Variants in SNX13 observed in about 807,000 individuals in gnomAD.
The protein encoded by SNX13 is sorting nexin 13.
A neutral mutation model predicts 133.6 loss-of-function variants in SNX13; 45 were observed. The ratio of observed to expected loss-of-function variants is 0.34; its 90% CI spans 0.27 to 0.43. The LOEUF (loss-of-function observed/expected upper bound fraction) is 0.43. SNX13 is among the 20% of genes least tolerant of loss of function. The probability of loss-of-function intolerance (pLI) is 1.00; values close to 1 mark genes in which losing one functional copy is unlikely to be tolerated. For synonymous variants in SNX13, 414 were observed against 373.9 expected (o/e 1.11, Z -1.24); for missense variants, 1,032 against 1,145.1 (o/e 0.90, Z 1.43).
chr7:17,832,597 G>T, intron 15 of SNX13: 2 of 479,492 alleles, frequency 4.2e-6, no homozygotes, highest in Non-Finnish European at 5.4e-6. Flanking sequence ...AAATTTCATA[G>T]CATCTCTATA....
chr7:17,864,833 G>A (rs1226616274), intron 9 of SNX13, among the ~76,000 whole-genome samples: 1 of 30,420 alleles, frequency 3.3e-5, no homozygotes, highest in East Asian at 1.5e-3. Flanking sequence ...AGAGGAAGAG[G>A]AGGAGGAGGA....
At chr7:17,848,096 A>ATC (rs1790763279) in intron 11 of SNX13, among the ~76,000 whole-genome samples, 1 of 151,992 alleles carries the variant, frequency 6.6e-6, no homozygotes, top group African/African-American at 2.4e-5. Context: ...ACACCACCCC[A>ATC]TCCTGTGCCT....
chr7:17,850,294 C>T, intron 11 of SNX13, 53 bp downstream of exon 11: 3 of 1,177,926 alleles, frequency 2.5e-6, no homozygotes, highest in Admixed American at 3.0e-5. Context: ...CATTTTTAAT[C>T]CCTATAGTAT....
chr7:17,801,248 A>C (rs1784613953), intron 22 of SNX13, among the ~76,000 whole-genome samples: 1 of 151,606 alleles, frequency 6.6e-6, no homozygotes. Context: ...AGAACATCAC[A>C]ATGTTGAGCA....
intron 1 of SNX13, among the ~76,000 whole-genome samples, chr7:17,903,843 C>T (rs2128007785): frequency 6.6e-6 from 1 of 152,190 alleles, no homozygotes; most frequent in African/African-American, 2.4e-5. Context: ...CAGAAAACTA[C>T]CTGCAATAAG....
At chr7:17,838,312 G>T (rs558440040) in intron 13 of SNX13, among the ~76,000 whole-genome samples, 5 of 151,772 alleles carry the variant, frequency 3.3e-5, no homozygotes, top group African/African-American at 1.2e-4. Context: ...ATTTCTGTAG[G>T]GTCAGGGTTC....
intron 9 of SNX13, among the ~76,000 whole-genome samples, chr7:17,860,118 G>C (rs1377634990): frequency 6.6e-6 from 1 of 151,846 alleles, no homozygotes; most frequent in East Asian, 1.9e-4. Context: ...GTGCACAAGA[G>C]TTTAAATTTT....
At chr7:17,937,015 T>TAAAAAAAAAAAAAA (rs1363988821) in intron 1 of SNX13, among the ~76,000 whole-genome samples, 4 of 63,100 alleles carry the variant, frequency 6.3e-5, no homozygotes, top group African/African-American at 1.2e-4. Flanking sequence ...AAAAATAAAA[T>TAAAAAAAAAAAAAA]AAAATAAAAA....
At position 17,828,532 on chromosome 7, in the gene SNX13, C is replaced by T. The variant is rs576187099; in HGVS notation, c.1635+1478G>A. ...GTAAAATACCAAACACATTAAATAT[C>T]TCCTTTGTTTAGTACATTGGAATAA... On this transcript the variant is annotated intron_variant, in intron 16 of 25. Coordinates refer to ENST00000428135, the MANE Select transcript of SNX13 (RefSeq NM_015132.5). Among the ~76,000 whole-genome samples, 19 of 151,744 alleles carry T rather than the reference C, an allele frequency of 1.3e-4. No individual in the cohort carries two copies. The South Asian group carries it at 3.7e-3, about 30-fold the overall frequency.
intron 12 of SNX13, among the ~76,000 whole-genome samples, chr7:17,843,085 TATAA>T (rs1790095307): frequency 6.6e-6 from 1 of 152,110 alleles, no homozygotes; most frequent in South Asian, 2.1e-4. Flanking sequence ...ACTCTTTCCT[TATAA>T]ATAATTACTT....
intron 12 of SNX13, among the ~76,000 whole-genome samples, chr7:17,842,342 C>G (rs1426324919): frequency 6.6e-6 from 1 of 151,922 alleles, no homozygotes; most frequent in African/African-American, 2.4e-5. Context: ...TACTGTCAAC[C>G]AAGTTCCTAT....
intron 1 of SNX13, among the ~76,000 whole-genome samples, chr7:17,916,914 A>G (rs764419962): frequency 6.6e-6 from 1 of 152,184 alleles, no homozygotes; most frequent in African/African-American, 2.4e-5. Context: ...AAAATCCTCA[A>G]CAAAATACTA....
intron 5 of SNX13, among the ~76,000 whole-genome samples, chr7:17,876,639 G>A (rs1389702852): frequency 6.8e-6 from 1 of 148,124 alleles, no homozygotes; most frequent in Non-Finnish European, 1.5e-5. Context: ...TATAAAGAAT[G>A]ATATAAAATA....
intron 22 of SNX13, 73 bp downstream of exon 22, chr7:17,801,515 C>A: frequency 8.7e-7 from 1 of 1,153,882 alleles, no homozygotes; most frequent in South Asian, 1.4e-5. Flanking sequence ...ACATAGAACA[C>A]TTCATTAAAA....
Position 17,867,081 on chromosome 7 carries a change from TAGG to T in SNX13, c.837+1323_837+1325del. 2.6e-5 allele frequency among the ~76,000 whole-genome samples: 4 copies of T among 152,338 alleles called. No homozygotes were observed. The South Asian group carries it at 8.3e-4, about 32-fold the overall frequency. On this transcript the variant is annotated intron_variant, in intron 9 of 25. Transcript: ENST00000428135. ...TGATTATCACTTTAAAATAACTTCT[TAGG>T]AGTTCCTAGCCAAAGGAGACTCACT...
At chr7:17,812,509 G>A (rs768816674) in intron 20 of SNX13, among the ~76,000 whole-genome samples, 126 of 152,328 alleles carry the variant, frequency 8.3e-4, no homozygotes, top group Middle Eastern at 3.4e-3. Flanking sequence ...ATGCTGGAGA[G>A]GATGTGGAGA....
intron 20 of SNX13, among the ~76,000 whole-genome samples, chr7:17,807,264 TGGTGGGGGGAGGGGCGCCCAGCTA>T (rs1175815184): frequency 6.6e-5 from 10 of 150,874 alleles, no homozygotes; most frequent in African/African-American, 1.7e-4. Context: ...CACTCGAGCT[TGGTGGGGGGAGGGGCGCCCAGCTA>T]GGTGGGGGGA....
chr7:17,793,871 T>C lies in SNX13; in HGVS notation c.*174A>G, dbSNP rs1783778170. On this transcript the variant is annotated 3_prime_UTR_variant, in exon 26 of 26. Transcript: ENST00000428135. ...AAGACACAGAAATCTCTCTTGGTAG[T>C]GGTGGATTATAGATGAGAATGAGAA... 3.1e-6 allele frequency: 2 copies of C among 641,230 alleles called. No homozygotes were observed. Among genetic ancestry groups the C allele is most frequent in the South Asian group, 3.1e-5 (1 of 31,918 alleles). 39.7% of individuals were successfully genotyped at this position (641,230 alleles called of 1,614,324 possible).
intron 9 of SNX13, among the ~76,000 whole-genome samples, chr7:17,854,178 T>C (rs1363210566): frequency 6.6e-6 from 1 of 152,042 alleles, no homozygotes; most frequent in Non-Finnish European, 1.5e-5. Context: ...CACTGTGGAG[T>C]AAATTATGCA....
Sources: gnomAD v4.1 joint callset for allele counts (sites outside exome capture counted in the v4.1 genomes callset) on GRCh38, gnomAD v4.1.1 for gene constraint, MANE v1.5 for transcripts, NCBI Gene and HGNC (gene_info 2026-07-23, HGNC 2026-07-21) for gene names.